The following MAGI2 variants were observed in gnomAD, a reference collection of about 807,000 sequenced individuals.
MAGI2 encodes membrane associated guanylate kinase, WW and PDZ domain containing 2, also known as membrane-associated guanylate kinase, WW and PDZ domain-containing protein 2.
Under a neutral mutation model 133.3 loss-of-function variants are expected in MAGI2, and 35 were observed. The ratio of observed to expected loss-of-function variants is 0.26; its 90% CI spans 0.20 to 0.35. The LOEUF is 0.35. MAGI2 is among the 10% of genes least tolerant of loss of function. MAGI2 has a pLI of 1.00. For synonymous variants in MAGI2, 729 were observed against 710.6 expected, an observed-to-expected ratio of 1.03 and a Z score of -0.41; for missense variants, 1,636 against 1,863.4, an observed-to-expected ratio of 0.88 and a Z score of 2.25.
chr7:78,727,181 C>G (rs1403229648), intron 2 of MAGI2, among the ~76,000 whole-genome samples: 1 of 151,964 alleles, frequency 6.6e-6, no homozygotes, highest in Non-Finnish European at 1.5e-5. Context: ...GAAGTAGACA[C>G]AAAAAGATGG....
At chr7:78,902,836 TGAAAAGCTAAAATCGAGG>T (rs1441836387) in intron 2 of MAGI2, among the ~76,000 whole-genome samples, 2 of 152,062 alleles carry the variant, frequency 1.3e-5, no homozygotes, top group Non-Finnish European at 2.9e-5. Flanking sequence ...CTAGGAAGTA[TGAAAAGCTAAAATCGAGG>T]GAAAAAGTAG....
At chr7:78,283,194 A>AAACTT (rs1248671680) in intron 9 of MAGI2, among the ~76,000 whole-genome samples, 2 of 152,082 alleles carry the variant, frequency 1.3e-5, no homozygotes, top group Non-Finnish European at 2.9e-5. Context: ...GAATATTCTA[A>AAACTT]AACTTAAGTA....
chr7:78,959,511 C>T (rs1802672105), intron 2 of MAGI2, among the ~76,000 whole-genome samples: 1 of 150,916 alleles, frequency 6.6e-6, no homozygotes, highest in Non-Finnish European at 1.5e-5. Flanking sequence ...GAATGAGACA[C>T]TACCTGTCAA....
intron 3 of MAGI2, among the ~76,000 whole-genome samples, chr7:78,610,458 G>A (rs1806319396): frequency 1.3e-5 from 2 of 152,164 alleles, no homozygotes; most frequent in African/African-American, 4.8e-5. Flanking sequence ...GTGGAGACCT[G>A]GAGGGTTGAA....
At chr7:79,042,581 A>T (rs908157264) in intron 1 of MAGI2, among the ~76,000 whole-genome samples, 4 of 152,240 alleles carry the variant, frequency 2.6e-5, no homozygotes, top group African/African-American at 4.8e-5. Context: ...TGAAGCACCC[A>T]GATTCATAAA....
At chr7:78,120,573 C>A (rs1475045125) in intron 20 of MAGI2, among the ~76,000 whole-genome samples, 1 of 152,062 alleles carries the variant, frequency 6.6e-6, no homozygotes, top group African/African-American at 2.4e-5. Context: ...GGCATTGATG[C>A]AGGGATAGAC....
chr7:78,731,820 T>C (rs1450742952), intron 2 of MAGI2, among the ~76,000 whole-genome samples: 1 of 152,124 alleles, frequency 6.6e-6, no homozygotes, highest in African/African-American at 2.4e-5. Context: ...TTCTCCCAGT[T>C]TTGGGGGTTG....
intron 2 of MAGI2, among the ~76,000 whole-genome samples, chr7:78,890,367 C>A (rs938307732): frequency 6.6e-6 from 1 of 152,114 alleles, no homozygotes; most frequent in Non-Finnish European, 1.5e-5. Context: ...CAGCTCTGCA[C>A]CAAGTGGACC....
intron 2 of MAGI2, among the ~76,000 whole-genome samples, chr7:78,798,055 T>C (rs1787761030): frequency 6.6e-6 from 1 of 152,146 alleles, no homozygotes; most frequent in Non-Finnish European, 1.5e-5. Context: ...GGAAAGGAGA[T>C]ACAAATGAAC....
chr7:79,122,034 A>G (rs1380879476), intron 1 of MAGI2, among the ~76,000 whole-genome samples: 3 of 152,208 alleles, frequency 2.0e-5, no homozygotes. Context: ...ATCACTGTAT[A>G]TAATTGATTT....
rs112485201 is a variant in MAGI2, at chr7:79,323,401, C to G, written c.301+129619G>C. Among the ~76,000 whole-genome samples the G allele has an allele frequency of 1.2e-3, 178 of 152,220 alleles. 1 individual carries two copies. Among genetic ancestry groups the G allele is most frequent in the African/African-American group, 3.9e-3 (163 of 41,522 alleles). On this transcript the variant is annotated intron_variant, in intron 1 of 21. Transcript: ENST00000354212. ...TTGAGACTTCAGGAGCAATGTCTTA[C>G]AGAAAGCACCTAGAAGTATGGAGCA... is the stretch of plus-strand genomic sequence containing the variant.
intron 9 of MAGI2, among the ~76,000 whole-genome samples, chr7:78,312,936 T>TA (rs1798837499): frequency 1.3e-5 from 2 of 150,504 alleles, no homozygotes; most frequent in African/African-American, 2.4e-5. Flanking sequence ...TATATATATT[T>TA]TATATATATG....
chr7:79,193,551 C>T (rs1320443377), intron 1 of MAGI2, among the ~76,000 whole-genome samples: 1 of 151,806 alleles, frequency 6.6e-6, no homozygotes, highest in African/African-American at 2.4e-5. Context: ...ACATTTAAAA[C>T]TGGCATTGCA....
At chr7:79,170,266 A>G (rs1825396977) in intron 1 of MAGI2, among the ~76,000 whole-genome samples, 1 of 146,506 alleles carries the variant, frequency 6.8e-6, no homozygotes, top group Admixed American at 7.0e-5. Flanking sequence ...GGCACCTTAA[A>G]CTCCCCAGCA....
chr7:79,068,991 GTTTT>G (rs989141153), intron 1 of MAGI2, among the ~76,000 whole-genome samples: 1 of 143,186 alleles, frequency 7.0e-6, no homozygotes, highest in African/African-American at 2.5e-5. Flanking sequence ...CATTGGCTGA[GTTTT>G]TTTTTTTTTT....
At chr7:78,311,702 G>C (rs1385661180) in intron 9 of MAGI2, among the ~76,000 whole-genome samples, 1 of 151,816 alleles carries the variant, frequency 6.6e-6, no homozygotes, top group East Asian at 1.9e-4. Context: ...CTCACATACT[G>C]ATAAAACATT....
At chr7:78,521,365 G>A (rs1027913805) in intron 4 of MAGI2, 65 bp downstream of exon 4, 2 of 1,125,906 alleles carry the variant, frequency 1.8e-6, no homozygotes, top group Non-Finnish European at 2.7e-6. Flanking sequence ...GTGTATATGT[G>A]TACATATATA....
At chr7:79,264,287 A>G (rs1834288547) in intron 1 of MAGI2, among the ~76,000 whole-genome samples, 2 of 152,190 alleles carry the variant, frequency 1.3e-5, no homozygotes, top group Non-Finnish European at 2.9e-5. Flanking sequence ...GCTTTTGGTT[A>G]TAGACGAACT....
chr7:78,689,411 T>C (rs1247412582), intron 2 of MAGI2, among the ~76,000 whole-genome samples: 1 of 152,170 alleles, frequency 6.6e-6, no homozygotes, highest in African/African-American at 2.4e-5. Context: ...ACCATTCTTT[T>C]AAATTTTCAA....
Sources: allele counts gnomAD v4.1 joint callset (sites outside exome capture counted in the v4.1 genomes callset), GRCh38; gene constraint gnomAD v4.1.1; transcripts MANE v1.5; gene names NCBI Gene and HGNC (gene_info 2026-07-23, HGNC 2026-07-21).